ERICH5: variants seen among roughly 807,000 people sequenced by gnomAD.
ERICH5 encodes glutamate rich 5.
In ERICH5, 24 loss-of-function variants were observed where a neutral mutation model predicts 28.0. The ratio of observed to expected loss-of-function variants is 0.86; its 90% CI spans 0.62 to 1.21. ERICH5 has a LOEUF of 1.21. Among genes scored for constraint, ERICH5 ranks in the 50% most tolerant of loss-of-function variants. The pLI is 0.00. For missense variants in ERICH5, 421 were observed against 441.2 expected (o/e 0.95, Z 0.41); for synonymous variants, 163 against 157.6 (o/e 1.03, Z -0.25).
intron 1 of ERICH5, among the ~76,000 whole-genome samples, chr8:98,087,356 G>A (rs1226876961): frequency 6.6e-6 from 1 of 152,118 alleles, no homozygotes; most frequent in East Asian, 1.9e-4. Flanking sequence ...GGAGACCCGA[G>A]TATTACTTGT....
chr8:98,092,835 G>A (rs1022137957), intron 2 of ERICH5, among the ~76,000 whole-genome samples: 11 of 151,080 alleles, frequency 7.3e-5, no homozygotes, highest in Middle Eastern at 3.2e-3. Flanking sequence ...GAGTGCAGTG[G>A]CGTGATCTCA....
intron 1 of ERICH5, among the ~76,000 whole-genome samples, chr8:98,088,717 G>T (rs1815324162): frequency 6.6e-6 from 1 of 152,288 alleles, no homozygotes; most frequent in Admixed American, 6.5e-5. Context: ...TTTTAAAAAG[G>T]AAACCTTCTA....
intron 1 of ERICH5, among the ~76,000 whole-genome samples, chr8:98,080,222 C>G (rs974052197): frequency 6.6e-6 from 1 of 152,194 alleles, no homozygotes; most frequent in African/African-American, 2.4e-5. Flanking sequence ...TCCACTCTGT[C>G]AATTCTAACA....
At chr8:98,090,314 T>TC (rs1211571938) in intron 2 of ERICH5, among the ~76,000 whole-genome samples, 1 of 152,226 alleles carries the variant, frequency 6.6e-6, no homozygotes, top group Non-Finnish European at 1.5e-5. Context: ...TCTGAATTTT[T>TC]CCAAGTTGAC....
intron 1 of ERICH5, among the ~76,000 whole-genome samples, chr8:98,067,882 G>A (rs1274143489): frequency 6.6e-6 from 1 of 152,052 alleles, no homozygotes; most frequent in Non-Finnish European, 1.5e-5. Flanking sequence ...GGGATTATAG[G>A]CATGAGCCAC....
chr8:98,086,490 G>C (rs975131265), intron 1 of ERICH5, among the ~76,000 whole-genome samples: 2 of 152,080 alleles, frequency 1.3e-5, no homozygotes, highest in African/African-American at 4.8e-5. Context: ...AAATGAAAAA[G>C]TATGATAATT....
At chr8:98,085,605 A>G (rs1001323432) in intron 1 of ERICH5, among the ~76,000 whole-genome samples, 7 of 152,196 alleles carry the variant, frequency 4.6e-5, no homozygotes, top group African/African-American at 9.6e-5. Flanking sequence ...GAAAATACCT[A>G]TAAGTTAAAT....
At position 98,089,393 on chromosome 8, in the gene ERICH5, G is replaced by T; in HGVS notation, c.376G>T (p.Ala126Ser). 6.2e-7 allele frequency: 1 copy of T among 1,614,244 alleles called. No homozygotes were observed. Among genetic ancestry groups the T allele is most frequent in the Non-Finnish European group, 8.5e-7 (1 of 1,180,050 alleles). Residue 126 changes from alanine (A) to serine (S), a missense_variant, in exon 2 of 3, where the codon GCA becomes TCA. Ala to Ser is a moderately conservative substitution (Grantham distance 99). Transcript: ENST00000318528. The part of the protein sequence containing the change: ...PQPGGKEDAP[A>S]AEGKKKDAGA... ...ACCAGGTGGCAAAGAGGATGCCCCA[G>T]CAGCAGAAGGAAAGAAGAAAGATGC...
At chr8:98,083,709 A>T (rs1194440739) in intron 1 of ERICH5, among the ~76,000 whole-genome samples, 1 of 152,174 alleles carries the variant, frequency 6.6e-6, no homozygotes, top group African/African-American at 2.4e-5. Context: ...TAAGATAGAG[A>T]GCTCAGCTCT....
rs769042472 is a variant in ERICH5 at position 98,070,660 on chromosome 8, C to CAAAAAAAAAAAAAAAAAAAAAA, written c.58+5934_58+5955dup. Among the ~76,000 whole-genome samples, 120 of 38,720 alleles carry CAAAAAAAAAAAAAAAAAAAAAA rather than the reference C, an allele frequency of 3.1e-3. 5 individuals are homozygous for CAAAAAAAAAAAAAAAAAAAAAA. The highest frequency in any genetic ancestry group is 4.3e-3 in the Non-Finnish European group (83 of 19,398). The allele number at this position is 38,720 out of a possible 152,430, so 25.4% of individuals were successfully genotyped here. On this transcript the variant is annotated intron_variant, in intron 1 of 2. Coordinates refer to ENST00000318528, the MANE Select transcript of ERICH5 (RefSeq NM_173549.3). ...GGGCAACAAGAGTGAAACTGCATCT[C>CAAAAAAAAAAAAAAAAAAAAAA]AAAAAAAAAAAAAAAAAAAAAAGAA...
chr8:98,077,434 T>C (rs184646489), intron 1 of ERICH5, among the ~76,000 whole-genome samples: 40 of 152,378 alleles, frequency 2.6e-4, no homozygotes, highest in Admixed American at 1.1e-3. Flanking sequence ...TCAATGAAAC[T>C]CTCTTTTTTC....
At chr8:98,076,031 T>A (rs1236645898) in intron 1 of ERICH5, among the ~76,000 whole-genome samples, 1 of 151,410 alleles carries the variant, frequency 6.6e-6, no homozygotes, top group Non-Finnish European at 1.5e-5. Flanking sequence ...CCACCCCTCT[T>A]AGAGTGCAAA....
intron 1 of ERICH5, among the ~76,000 whole-genome samples, chr8:98,080,598 CCTT>C (rs1053431368): frequency 7.3e-5 from 11 of 151,260 alleles, no homozygotes; most frequent in African/African-American, 2.4e-4. Flanking sequence ...TTCTCCTTCA[CCTT>C]CTTCTCCTTC....
At chr8:98,088,463 C>T (rs1287330559) in intron 1 of ERICH5, among the ~76,000 whole-genome samples, 1 of 152,198 alleles carries the variant, frequency 6.6e-6, no homozygotes, top group Non-Finnish European at 1.5e-5. Flanking sequence ...TCTTTTCCCA[C>T]TGTGCCCCCC....
rs775509989 is a variant in ERICH5, at chr8:98,089,128, C to T, written c.111C>T (p.Ala37=). The T allele has an allele frequency of 4.1e-5, 66 of 1,613,898 alleles. No individual in the cohort carries two copies. The highest frequency in any genetic ancestry group is 5.5e-5 in the Non-Finnish European group (65 of 1,180,008). ...CAGAAGAAAGTGAGTCCTGCTTTGC[C>T]CAACCAAAGCCACATGCACTGGGAA... ...STAEESESCF[A]QPKPHALGRE... The change falls in exon 2 of 3, where the codon GCC becomes GCT. Residue 37 remains alanine, a synonymous_variant. Transcript: ENST00000318528.
intron 1 of ERICH5, among the ~76,000 whole-genome samples, chr8:98,088,704 A>T (rs2444861): frequency 1.3e-4 from 20 of 152,122 alleles, no homozygotes; most frequent in Admixed American, 3.3e-4. Context: ...TGGAAAAAAA[A>T]TTTTTTAAAA....
At chr8:98,067,524 C>T (rs991394136) in intron 1 of ERICH5, among the ~76,000 whole-genome samples, 4 of 151,784 alleles carry the variant, frequency 2.6e-5, no homozygotes, top group African/African-American at 7.3e-5. Flanking sequence ...CTGTTTTTGC[C>T]TCAGATCACT....
chr8:98,067,545 A>G (rs749969625), intron 1 of ERICH5, among the ~76,000 whole-genome samples: 7 of 152,046 alleles, frequency 4.6e-5, no homozygotes, highest in African/African-American at 7.2e-5. Context: ...CTGGATCCCC[A>G]TTAGGTGTGT....
chr8:98,080,554 T>G (rs1815160306), intron 1 of ERICH5, among the ~76,000 whole-genome samples: 1 of 152,150 alleles, frequency 6.6e-6, no homozygotes, highest in East Asian at 1.9e-4. Flanking sequence ...CTATTTGTTT[T>G]CCAATCTTTC....
Sources: gnomAD v4.1 joint callset for allele counts (sites outside exome capture counted in the v4.1 genomes callset) on GRCh38, gnomAD v4.1.1 for gene constraint, MANE v1.5 for transcripts, NCBI Gene and HGNC (gene_info 2026-07-23, HGNC 2026-07-21) for gene names.